The following RIMS3 variants were observed in gnomAD, a reference collection of about 807,000 sequenced individuals.
RIMS3 encodes regulating synaptic membrane exocytosis protein 3.
A neutral mutation model predicts 29.2 loss-of-function variants in RIMS3; 15 were observed. The observed-to-expected ratio is 0.51, with a 90% CI of 0.34 to 0.79. The LOEUF (loss-of-function observed/expected upper bound fraction) is 0.79, where lower values mean the gene tolerates loss of function less well. Ranked by LOEUF, RIMS3 falls within the 30% of genes least tolerant of loss-of-function variation. The probability of loss-of-function intolerance (pLI) is 0.01; values close to 1 mark genes in which losing one functional copy is unlikely to be tolerated. For synonymous variants in RIMS3, 161 were observed against 170.1 expected, an observed-to-expected ratio of 0.95 and a Z score of 0.41; for missense variants, 342 against 421.4, an observed-to-expected ratio of 0.81 and a Z score of 1.65.
At chr1:40,686,738 T>G in the RIMS3 span, among the ~76,000 whole-genome samples, 5 of 152,216 alleles carry the variant, frequency 3.3e-5, no homozygotes, top group Admixed American at 3.3e-4. Flanking sequence ...CCTTACAATC[T>G]TTCCTTGGCA....
chr1:40,652,531 G>C lies in RIMS3; in HGVS notation c.-206-4689C>G, dbSNP rs1467660629. Among the ~76,000 whole-genome samples, 3 of 152,214 alleles carry C rather than the reference G, an allele frequency of 2.0e-5. No homozygotes were observed. The South Asian group carries it at 6.2e-4, about 32-fold the overall frequency. On this transcript the variant is annotated intron_variant, in intron 1 of 7. Coordinates refer to ENST00000372684, the MANE Select transcript of RIMS3 (RefSeq NM_014747.3). The stretch of plus-strand genomic sequence containing the variant: ...CAAAAGATAGGTGAGGTTTTGGAGA[G>C]GAGAGGCAGAGGTGGCTCTAAAGGA...
the RIMS3 span, among the ~76,000 whole-genome samples, chr1:40,675,648 C>T: frequency 6.6e-6 from 1 of 151,770 alleles, no homozygotes; most frequent in Non-Finnish European, 1.5e-5. Context: ...ATCTCAGCTA[C>T]TCAGGAGGCT....
chr1:40,665,774 T>C (rs567653485), upstream of RIMS3: 1 of 152,750 alleles, frequency 6.5e-6, no homozygotes, highest in Non-Finnish European at 1.5e-5. Flanking sequence ...CGGACCTTGG[T>C]GGTGGGCGGG....
chr1:40,685,285 TAATA>T, the RIMS3 span, among the ~76,000 whole-genome samples: 3 of 50,362 alleles, frequency 6.0e-5, no homozygotes, highest in African/African-American at 3.6e-4. Context: ...CATAATTTAT[TAATA>T]TATATATTAT....
chr1:40,687,989 G>C, the RIMS3 span, among the ~76,000 whole-genome samples: 1 of 152,166 alleles, frequency 6.6e-6, no homozygotes, highest in African/African-American at 2.4e-5. Flanking sequence ...TTTTGAGACA[G>C]AGTCTCGCTC....
intron 1 of RIMS3, among the ~76,000 whole-genome samples, chr1:40,664,236 T>C (rs1489335785): frequency 6.6e-6 from 1 of 152,004 alleles, no homozygotes; most frequent in Non-Finnish European, 1.5e-5. Flanking sequence ...AGCACATCCC[T>C]GCCAACCCAC....
At chr1:40,633,480 G>C (rs2148346206) in intron 4 of RIMS3, among the ~76,000 whole-genome samples, 1 of 152,342 alleles carries the variant, frequency 6.6e-6, no homozygotes, top group East Asian at 1.9e-4. Flanking sequence ...ACAAGGCAGG[G>C]CTTGCTGGAC....
Position 40,641,837 on chromosome 1 carries a change from G to T in RIMS3, c.89C>A (p.Ser30Tyr), listed in dbSNP as rs761555774. ...CCCAGCCCCGCCCCCGGCTTGCTGG[G>T]ATCCGCAGATTTCACCGCTAATGCT... ...SSSISGEICGSQQAGGGAGTT... is the reference protein window; with the variant it reads ...SSSISGEICGYQQAGGGAGTT... The change falls in exon 3 of 8, where the codon TCC becomes TAC. Residue 30 changes from serine (S) to tyrosine (Y), a missense_variant. Ser to Tyr is a moderately radical substitution (Grantham distance 144). Transcript: ENST00000372684. 2 of 1,613,406 alleles carry T rather than the reference G, an allele frequency of 1.2e-6. No individual in the cohort carries two copies. Among genetic ancestry groups the T allele is most frequent in the South Asian group, 2.2e-5 (2 of 91,072 alleles).
At chr1:40,658,059 A>G (rs947542935) in intron 1 of RIMS3, among the ~76,000 whole-genome samples, 1 of 152,246 alleles carries the variant, frequency 6.6e-6, no homozygotes, top group Non-Finnish European at 1.5e-5. Flanking sequence ...TTACCAGGGA[A>G]GCACAAAGAA....
At chr1:40,665,856 A>T (rs1240235000), upstream of RIMS3, among the ~76,000 whole-genome samples, 1 of 152,130 alleles carries the variant, frequency 6.6e-6, no homozygotes, top group Non-Finnish European at 1.5e-5. Context: ...GGCTTCCAAG[A>T]AGCGGGGTCT....
chr1:40,664,519 T>C (rs1642397375), intron 1 of RIMS3, among the ~76,000 whole-genome samples: 1 of 152,164 alleles, frequency 6.6e-6, no homozygotes, highest in African/African-American at 2.4e-5. Context: ...ATAACACCCC[T>C]GGGGCTAGGG....
chr1:40,633,266 C>T (rs1646501072), intron 4 of RIMS3, 85 bp from the exon 5 acceptor site: 1 of 1,001,486 alleles, frequency 1.0e-6, no homozygotes, highest in Non-Finnish European at 1.6e-6. Context: ...ATGCTCTGGC[C>T]CTGGGGCCCT....
chr1:40,632,660 G>T (rs1417116043), intron 5 of RIMS3, among the ~76,000 whole-genome samples: 1 of 151,616 alleles, frequency 6.6e-6, no homozygotes. Context: ...TCCAAGGTTG[G>T]TTGAATCCAC....
intron 1 of RIMS3, 110 bp downstream of exon 1, chr1:40,665,284 A>G (rs2148365726): frequency 1.1e-5 from 1 of 94,264 alleles, no homozygotes. Flanking sequence ...GCACACTCAC[A>G]TACCTACGTT....
chr1:40,656,062 CT>C (rs1419237205), intron 1 of RIMS3, among the ~76,000 whole-genome samples: 1 of 152,074 alleles, frequency 6.6e-6, no homozygotes, highest in Non-Finnish European at 1.5e-5. Context: ...CTGTTTATTA[CT>C]TATTTTCTTT....
At chr1:40,674,833 A>C in the RIMS3 span, among the ~76,000 whole-genome samples, 1 of 152,244 alleles carries the variant, frequency 6.6e-6, no homozygotes, top group African/African-American at 2.4e-5. Flanking sequence ...TAGAGCTGTA[A>C]GAAATATATT....
chr1:40,661,712 A>G (rs1642354468), intron 1 of RIMS3, among the ~76,000 whole-genome samples: 1 of 152,238 alleles, frequency 6.6e-6, no homozygotes, highest in Non-Finnish European at 1.5e-5. Flanking sequence ...AGATATCATC[A>G]ACTCCATTTT....
upstream of RIMS3, chr1:40,669,227 C>T (rs1277427413): frequency 6.6e-6 from 1 of 152,346 alleles, no homozygotes; most frequent in East Asian, 1.9e-4. Context: ...ATTTCATTTT[C>T]CCCTCAAAAC....
the RIMS3 span, among the ~76,000 whole-genome samples, chr1:40,685,227 A>C: frequency 6.7e-6 from 1 of 149,056 alleles, no homozygotes; most frequent in South Asian, 2.1e-4. Flanking sequence ...AGTCTCAGGA[A>C]ATCAAACGCC....
Sources: allele counts gnomAD v4.1 joint callset (sites outside exome capture counted in the v4.1 genomes callset), GRCh38; gene constraint gnomAD v4.1.1; transcripts MANE v1.5; gene names NCBI Gene and HGNC (gene_info 2026-07-23, HGNC 2026-07-21).